Variants in CALCR observed in about 807,000 individuals in gnomAD.
CALCR encodes the protein calcitonin receptor.
CALCR carries 47 observed loss-of-function variants against 59.5 expected under a neutral mutation model. That is an observed-to-expected ratio of 0.79 (90% CI 0.63 to 1.01). The LOEUF is 1.01. CALCR is among the 50% of genes least tolerant of loss of function. The pLI is 0.00. For synonymous variants in CALCR, 213 were observed against 211.3 expected (o/e 1.01, Z -0.07); for missense variants, 566 against 597.1 (o/e 0.95, Z 0.54).
chr7:93,532,672 C>T (rs1481179912), intron 2 of CALCR, among the ~76,000 whole-genome samples: 2 of 151,632 alleles, frequency 1.3e-5, no homozygotes, highest in Admixed American at 1.3e-4. Context: ...TACTAACAGC[C>T]CACCTGGTTA....
At chr7:93,467,948 A>T (rs1001709540) in intron 7 of CALCR, among the ~76,000 whole-genome samples, 2 of 151,698 alleles carry the variant, frequency 1.3e-5, no homozygotes, top group African/African-American at 2.4e-5. Flanking sequence ...GTGTCTAAAA[A>T]AAAAATACAC....
At chr7:93,434,686 G>A (rs555169023) in intron 12 of CALCR, among the ~76,000 whole-genome samples, 36 of 152,110 alleles carry the variant, frequency 2.4e-4, no homozygotes, top group Non-Finnish European at 4.4e-4. Flanking sequence ...CATAGTGGGA[G>A]GCTGTGGGTC....
intron 2 of CALCR, among the ~76,000 whole-genome samples, chr7:93,544,231 C>A (rs1205745738): frequency 2.0e-5 from 3 of 151,648 alleles, no homozygotes; most frequent in Non-Finnish European, 2.9e-5. Flanking sequence ...CTTCTGATAC[C>A]AAATATTAAT....
intron 2 of CALCR, among the ~76,000 whole-genome samples, chr7:93,570,114 T>G (rs2116292441): frequency 6.6e-6 from 1 of 152,302 alleles, no homozygotes; most frequent in Non-Finnish European, 1.5e-5. Flanking sequence ...GTTGAGGTTT[T>G]CTACCTGACT....
At chr7:93,498,230 G>A (rs1801251234) in intron 2 of CALCR, among the ~76,000 whole-genome samples, 2 of 151,680 alleles carry the variant, frequency 1.3e-5, no homozygotes, top group African/African-American at 4.8e-5. Context: ...TAACAGAGTG[G>A]TTAAATACAA....
intron 8 of CALCR, among the ~76,000 whole-genome samples, chr7:93,451,532 A>C (rs752104311): frequency 9.2e-5 from 14 of 151,932 alleles, no homozygotes; most frequent in Non-Finnish European, 1.8e-4. Context: ...CTCCATCCCA[A>C]ACTGTATTTC....
At chr7:93,554,716 T>C (rs1255148155) in intron 2 of CALCR, among the ~76,000 whole-genome samples, 1 of 147,048 alleles carries the variant, frequency 6.8e-6, no homozygotes, top group Non-Finnish European at 1.5e-5. Context: ...CAGGTTAGGA[T>C]AAGTGCAGAA....
At chr7:93,510,059 GA>G (rs1256540829) in intron 2 of CALCR, among the ~76,000 whole-genome samples, 12 of 152,090 alleles carry the variant, frequency 7.9e-5, no homozygotes, top group African/African-American at 2.9e-4. Context: ...TCTTACTAAA[GA>G]CTTTTGAGAT....
intron 2 of CALCR, among the ~76,000 whole-genome samples, chr7:93,554,292 T>A (rs902686904): frequency 2.0e-5 from 3 of 152,190 alleles, no homozygotes; most frequent in Admixed American, 6.6e-5. Flanking sequence ...AGACAATATA[T>A]TTATTTCTCA....
At chr7:93,442,335 C>T (rs192712410) in intron 9 of CALCR, among the ~76,000 whole-genome samples, 66 of 152,264 alleles carry the variant, frequency 4.3e-4, no homozygotes, top group Middle Eastern at 3.4e-3. Context: ...AGGCATCCCG[C>T]CTATCTGCCC....
intron 8 of CALCR, 127 bp downstream of exon 8, chr7:93,460,694 G>A (rs866252368): frequency 6.5e-5 from 35 of 534,372 alleles, no homozygotes; most frequent in Non-Finnish European, 8.6e-5. Flanking sequence ...TGCAAAACTC[G>A]ACGGTAGAAG....
chr7:93,573,568 A>G (rs779686373), intron 2 of CALCR, among the ~76,000 whole-genome samples: 1 of 152,224 alleles, frequency 6.6e-6, no homozygotes, highest in Non-Finnish European at 1.5e-5. Flanking sequence ...TTTGCCAAAT[A>G]AAGTCTGTAT....
At chr7:93,450,266 T>C (rs1301024198) in intron 8 of CALCR, among the ~76,000 whole-genome samples, 1 of 152,048 alleles carries the variant, frequency 6.6e-6, no homozygotes, top group Non-Finnish European at 1.5e-5. Flanking sequence ...CTGTTTTCTC[T>C]GTCAGACCTC....
chr7:93,437,285 T>A (rs1401116879), intron 11 of CALCR, among the ~76,000 whole-genome samples: 1 of 152,164 alleles, frequency 6.6e-6, no homozygotes, highest in African/African-American at 2.4e-5. Context: ...CATTTTACTT[T>A]ATTTATTATT....
intron 9 of CALCR, 91 bp downstream of exon 9, chr7:93,443,513 C>G (rs966676351): frequency 1.6e-6 from 2 of 1,251,874 alleles, no homozygotes; most frequent in African/African-American, 1.5e-5. Flanking sequence ...TGGGACTTGA[C>G]TCTATTCTCT....
chr7:93,476,302 C>A (rs1800664618), intron 5 of CALCR, among the ~76,000 whole-genome samples: 1 of 151,782 alleles, frequency 6.6e-6, no homozygotes, highest in Admixed American at 6.6e-5. Context: ...CACTCTTTCA[C>A]TATCTTTTAC....
At chr7:93,516,494 A>G (rs1801653970) in intron 2 of CALCR, among the ~76,000 whole-genome samples, 1 of 151,922 alleles carries the variant, frequency 6.6e-6, no homozygotes, top group Non-Finnish European at 1.5e-5. Context: ...AGATGGACAC[A>G]TTGTGGATTG....
At chr7:93,499,029 A>G (rs1801268340) in intron 2 of CALCR, among the ~76,000 whole-genome samples, 1 of 151,706 alleles carries the variant, frequency 6.6e-6, no homozygotes, top group South Asian at 2.1e-4. Context: ...GCATGTTACT[A>G]TATCTTTCTG....
Position 93,426,580 on chromosome 7 carries a change from T to G in CALCR, c.1201A>C (p.Thr401Pro). The G allele has an allele frequency of 6.3e-7, 1 of 1,596,110 alleles. No homozygotes were observed. The highest frequency in any genetic ancestry group is 1.1e-5 in the South Asian group (1 of 90,368). Reference protein sequence around the residue: ...YCFCNNEVQTTVKRQWAQFKI... With the variant: ...YCFCNNEVQTPVKRQWAQFKI... The stretch of plus-strand genomic sequence containing the variant: ...AATTGGGCCCATTGGCGCTTCACGG[T>G]GGTTTGGACCTGGAAGAGAAAAAGG... The change falls in exon 14 of 14, where the codon ACC (threonine) becomes CCC (proline). Residue 401 changes from threonine (T) to proline (P), a missense_variant. Transcript: ENST00000426151.
Sources: gnomAD v4.1 joint callset for allele counts (sites outside exome capture counted in the v4.1 genomes callset) on GRCh38, gnomAD v4.1.1 for gene constraint, MANE v1.5 for transcripts, NCBI Gene and HGNC (gene_info 2026-07-23, HGNC 2026-07-21) for gene names.